Variants in TET1 observed in about 807,000 individuals in gnomAD.
The protein encoded by TET1 is tet methylcytosine dioxygenase 1.
Under a neutral mutation model 148.7 loss-of-function variants are expected in TET1, and 13 were observed. The ratio of observed to expected loss-of-function variants is 0.09; its 90% CI spans 0.06 to 0.14. The LOEUF (loss-of-function observed/expected upper bound fraction) is 0.14, where lower values mean the gene tolerates loss of function less well. TET1 is among the 10% of genes least tolerant of loss of function. The pLI is 1.00. For synonymous variants in TET1, 907 were observed against 937.2 expected (o/e 0.97, Z 0.59); for missense variants, 2,182 against 2,553.8 (o/e 0.85, Z 3.14).
intron 10 of TET1, among the ~76,000 whole-genome samples, chr10:68,684,237 T>A (rs964969034): frequency 6.6e-6 from 1 of 152,150 alleles, no homozygotes; most frequent in African/African-American, 2.4e-5. Context: ...ATACAATTTT[T>A]AAAAAATAAT....
intron 3 of TET1, among the ~76,000 whole-genome samples, chr10:68,636,481 G>C (rs948097839): frequency 6.6e-6 from 1 of 152,120 alleles, no homozygotes; most frequent in African/African-American, 2.4e-5. Flanking sequence ...ACTTTGGGAG[G>C]CCAAGGCAGG....
At chr10:68,588,537 C>T (rs1197460700) in intron 2 of TET1, among the ~76,000 whole-genome samples, 3 of 152,028 alleles carry the variant, frequency 2.0e-5, no homozygotes, top group African/African-American at 7.2e-5. Context: ...GTGAAAGGCC[C>T]AAAAGATGGA....
At chr10:68,575,852 T>C (rs2053723373) in intron 2 of TET1, among the ~76,000 whole-genome samples, 1 of 150,136 alleles carries the variant, frequency 6.7e-6, no homozygotes, top group Non-Finnish European at 1.5e-5. Context: ...AAACCCCGTC[T>C]CTACTAAAAA....
At chr10:68,672,511 A>AAC (rs35398085) in intron 7 of TET1, among the ~76,000 whole-genome samples, 14 of 130,822 alleles carry the variant, frequency 1.1e-4, no homozygotes, top group East Asian at 4.3e-4. Flanking sequence ...AAAAAAAAAA[A>AAC]CACCAAAAAA....
In TET1 at chr10:68,691,161, C is replaced by G. The variant is rs770933943; in HGVS notation, c.5758C>G (p.Pro1920Ala). Residue 1920 changes from proline to alanine, a missense_variant, in exon 12 of 12, where the codon CCC (proline) becomes GCC (alanine). This residue lies in a region of TET1 where 380 missense variants were observed against 387.9 expected (regional missense o/e 0.98). Transcript: ENST00000373644. The surrounding 1 kb of genome is among the most constrained non-coding windows in gnomAD (Gnocchi z 4.4). Reference sequence around the variant, plus strand: ...CACCCTGTCTGCTCCTGTGATGGAGCCCCTCATTAATTCTGAGCCTTCCAC... The same window carrying G: ...CACCCTGTCTGCTCCTGTGATGGAGGCCCTCATTAATTCTGAGCCTTCCAC... ...LPTLSAPVME[P>A]LINSEPSTGV... 13 of 1,614,042 alleles carry G rather than the reference C, an allele frequency of 8.1e-6. No individual in the cohort carries two copies. Among genetic ancestry groups the G allele is most frequent in the Non-Finnish European group, 1.0e-5 (12 of 1,180,042 alleles).
At chr10:68,687,931 G>GT (rs1027162617) in intron 11 of TET1, among the ~76,000 whole-genome samples, 58 of 151,808 alleles carry the variant, frequency 3.8e-4, no homozygotes, top group African/African-American at 1.0e-3. Flanking sequence ...GGGTTTTGGG[G>GT]TTTTTTTTAA....
At chr10:68,664,027 C>T (rs557169847) in intron 6 of TET1, among the ~76,000 whole-genome samples, 1 of 151,910 alleles carries the variant, frequency 6.6e-6, no homozygotes, top group African/African-American at 2.4e-5. Context: ...GAGATGGAGT[C>T]TTGCTCCCAT....
chr10:68,586,696 G>C (rs1033345128), intron 2 of TET1, among the ~76,000 whole-genome samples: 1 of 150,928 alleles, frequency 6.6e-6, no homozygotes, highest in Non-Finnish European at 1.5e-5. Context: ...TGTTTCTATG[G>C]TTAAGGAAAA....
chr10:68,677,730 C>T (rs1306269009), intron 8 of TET1, among the ~76,000 whole-genome samples: 1 of 151,680 alleles, frequency 6.6e-6, no homozygotes, highest in East Asian at 2.0e-4. Context: ...CACTGCAACT[C>T]CTGCCTCAGC....
At chr10:68,625,444 G>C (rs1303160058) in intron 3 of TET1, among the ~76,000 whole-genome samples, 2 of 152,170 alleles carry the variant, frequency 1.3e-5, no homozygotes, top group Non-Finnish European at 2.9e-5. Context: ...CATCTCATTT[G>C]TTAGCAGGCA....
At chr10:68,675,075 G>A (rs780352536) in intron 8 of TET1, 19 of 563,846 alleles carry the variant, frequency 3.4e-5, no homozygotes, top group Admixed American at 1.0e-4. Flanking sequence ...ACGAGCTGAT[G>A]GATATGAACC....
Position 68,691,207 on chromosome 10 carries a change from C to T in TET1, c.5804C>T (p.Thr1935Met), listed in dbSNP as rs540373976. Residue 1935 changes from threonine (T) to methionine (M), a missense_variant, in exon 12 of 12, where the codon ACG becomes ATG. Transcript: ENST00000373644. This position sits in a 1 kb window ranked among gnomAD's most constrained non-coding sequence, Gnocchi z 4.4. ...TCCACTGGTGTGACTGAGCCGCTAA[C>T]GCCTCATCAGCCAAACCACCAGCCC... The part of the protein sequence containing the change: ...EPSTGVTEPL[T>M]PHQPNHQPSF... The T allele has an allele frequency of 2.8e-5, 46 of 1,614,184 alleles. No homozygotes were observed. The highest frequency in any genetic ancestry group is 8.9e-5 in the East Asian group (4 of 44,884).
At chr10:68,607,408 GTT>G (rs34173669) in intron 3 of TET1, among the ~76,000 whole-genome samples, 48 of 147,082 alleles carry the variant, frequency 3.3e-4, no homozygotes, top group East Asian at 3.2e-3. Context: ...TGGATCTTAA[GTT>G]TTTTTTTTTT....
At position 68,686,393 on chromosome 10, in the gene TET1, G is replaced by A. The variant is rs762825169; in HGVS notation, c.5090G>A (p.Gly1697Asp). ...ACTCGAGAAGATAACCGCTCTTTGG[G>A]TGTTATTCCTCAAGATGAGCAGCTC... is the stretch of plus-strand genomic sequence containing the variant. ...TLTREDNRSLGVIPQDEQLHV... is the reference protein window; with the variant it reads ...TLTREDNRSLDVIPQDEQLHV... Residue 1697 changes from glycine (G) to aspartate (D), a missense_variant, in exon 11 of 12, where the codon GGT (glycine) becomes GAT (aspartate). By Grantham distance (94) the Gly-to-Asp change is moderately conservative. Around this residue, in one of 11 missense-constraint regions of TET1, gnomAD observed 380 missense variants for 387.9 expected, o/e 0.98. Coordinates refer to ENST00000373644, the MANE Select transcript of TET1 (RefSeq NM_030625.3). 4.3e-6 allele frequency: 7 copies of A among 1,612,948 alleles called. No individual in the cohort carries two copies. The highest frequency in any genetic ancestry group is 3.3e-5 in the South Asian group (3 of 90,934).
intron 2 of TET1, among the ~76,000 whole-genome samples, chr10:68,582,914 T>C (rs1231244157): frequency 6.6e-6 from 1 of 152,110 alleles, no homozygotes; most frequent in East Asian, 1.9e-4. Flanking sequence ...AAACAAACTT[T>C]TGTTGTTTAG....
At position 68,686,561 on chromosome 10, in the gene TET1, G is replaced by A. The variant is rs1429461725; in HGVS notation, c.5258G>A (p.Arg1753His). 9 of 1,614,130 alleles carry A rather than the reference G, an allele frequency of 5.6e-6. No homozygotes were observed. The highest frequency in any genetic ancestry group is 1.1e-5 in the South Asian group (1 of 91,084). ...ACGTGTTTCACTCAGCCTGTTCCCC[G>A]TTCTGGAAAGAAGAGGGCTGCGATG... ...KRTCFTQPVP[R>H]SGKKRAAMMT... Residue 1753 changes from arginine (R) to histidine (H), a missense_variant, in exon 11 of 12, where the codon CGT (arginine) becomes CAT (histidine). By Grantham distance (29) the Arg-to-His change is conservative. This residue lies in a region of TET1 where 380 missense variants were observed against 387.9 expected (regional missense o/e 0.98). Transcript: ENST00000373644.
intron 3 of TET1, among the ~76,000 whole-genome samples, chr10:68,606,908 C>G (rs958661930): frequency 6.6e-6 from 1 of 152,154 alleles, no homozygotes; most frequent in Non-Finnish European, 1.5e-5. Context: ...TTCACACAAT[C>G]AAAGACACAC....
In TET1 at chr10:68,646,025, A is replaced by C. The variant is rs377753307; in HGVS notation, c.3296A>C (p.Lys1099Thr). ...KINYIKPEDK[K>T]VESTPTSLVT... is the part of the protein sequence containing the mutation. ...AATTATATAAAACCAGAGGACAAAAAAGTTGAAAGTACACCAACAAGCCTT... is the reference window on the plus strand; with the variant it reads ...AATTATATAAAACCAGAGGACAAAACAGTTGAAAGTACACCAACAAGCCTT... The change falls in exon 4 of 12, where the codon AAA (lysine) becomes ACA (threonine). Residue 1099 changes from lysine (K) to threonine (T), a missense_variant. Physicochemically the swap from Lys to Thr is moderately conservative, Grantham distance 78. Transcript: ENST00000373644. The C allele has an allele frequency of 9.9e-5, 159 of 1,614,008 alleles. 1 individual carries two copies. In the South Asian group the frequency reaches 1.0e-3, roughly 11 times the overall value.
At chr10:68,662,233 T>A (rs2055131057) in intron 6 of TET1, among the ~76,000 whole-genome samples, 1 of 152,082 alleles carries the variant, frequency 6.6e-6, no homozygotes, top group Admixed American at 6.6e-5. Flanking sequence ...AGTCTCGAAC[T>A]CCTGACCTCA....
Sources: gnomAD v4.1 joint callset for allele counts (sites outside exome capture counted in the v4.1 genomes callset) on GRCh38, gnomAD v4.1.1 for gene constraint, gnomAD v4.1.1 regional missense constraint, Gnocchi (gnomAD v3.1) non-coding constraint, MANE v1.5 for transcripts, NCBI Gene and HGNC (gene_info 2026-07-23, HGNC 2026-07-21) for gene names.